L3MBTL4: variants seen among roughly 807,000 people sequenced by gnomAD.
The protein encoded by L3MBTL4 is L3MBTL histone methyl-lysine binding protein 4.
Under a neutral mutation model 84.5 loss-of-function variants are expected in L3MBTL4, and 70 were observed. That is an observed-to-expected ratio of 0.83 (90% CI 0.68 to 1.01). L3MBTL4 has a LOEUF of 1.01. L3MBTL4 is among the 50% of genes least tolerant of loss of function. L3MBTL4 has a pLI of 0.00. For synonymous variants in L3MBTL4, 274 were observed against 259.8 expected (o/e 1.05, Z -0.52); for missense variants, 715 against 754.8 (o/e 0.95, Z 0.62).
chr18:6,207,516 T>C (rs1297482225), intron 12 of L3MBTL4, among the ~76,000 whole-genome samples: 3 of 152,208 alleles, frequency 2.0e-5, no homozygotes, highest in Non-Finnish European at 4.4e-5. Flanking sequence ...TCACTGCTCT[T>C]CTTCATTTTA....
chr18:6,155,788 T>A (rs1433075976), intron 13 of L3MBTL4, among the ~76,000 whole-genome samples: 1 of 152,208 alleles, frequency 6.6e-6, no homozygotes, highest in Non-Finnish European at 1.5e-5. Flanking sequence ...AACTTCTTGA[T>A]TCTTGGTTGC....
Position 6,333,675 on chromosome 18 carries a change from C to G in L3MBTL4, c.-90-21619G>C, listed in dbSNP as rs2052168838. On this transcript the variant is annotated intron_variant, in intron 1 of 18. Coordinates refer to ENST00000317931, the MANE Select transcript of L3MBTL4 (RefSeq NM_001330559.2). ...GATGTACACGTATGTGTTTACATAA[C>G]TGGGAGCATAGCTCCAGCCGTAAGA... Among the ~76,000 whole-genome samples the G allele has an allele frequency of 2.0e-5, 3 of 151,778 alleles. No individual in the cohort carries two copies. In the South Asian group the frequency reaches 6.2e-4, roughly 32 times the overall value.
chr18:6,093,237 C>T (rs1673251083), intron 15 of L3MBTL4, 118 bp downstream of exon 15: 2 of 815,850 alleles, frequency 2.5e-6, no homozygotes, highest in African/African-American at 1.8e-5. Context: ...TAATAATATC[C>T]AGAAATAAAA....
At chr18:6,197,800 G>C (rs1435744778) in intron 12 of L3MBTL4, among the ~76,000 whole-genome samples, 5 of 152,194 alleles carry the variant, frequency 3.3e-5, no homozygotes, top group Non-Finnish European at 7.3e-5. Flanking sequence ...GTTCCTGCCA[G>C]ACCCAGATTT....
intron 18 of L3MBTL4, among the ~76,000 whole-genome samples, chr18:5,958,041 G>GGAGA (rs2095238188): frequency 7.4e-6 from 1 of 135,906 alleles, no homozygotes; most frequent in Non-Finnish European, 1.5e-5. Context: ...GGAGGAGGAG[G>GGAGA]AGGAGAAGGA....
chr18:6,320,332 G>A (rs2051338741), intron 1 of L3MBTL4, among the ~76,000 whole-genome samples: 1 of 151,952 alleles, frequency 6.6e-6, no homozygotes, highest in Non-Finnish European at 1.5e-5. Flanking sequence ...ATCCACATTG[G>A]AAGAGACCAA....
chr18:6,120,451 G>C (rs1015324041), intron 14 of L3MBTL4, among the ~76,000 whole-genome samples: 1 of 152,146 alleles, frequency 6.6e-6, no homozygotes, highest in Non-Finnish European at 1.5e-5. Flanking sequence ...ACGTTAGGAA[G>C]GCTACTCTGA....
intron 9 of L3MBTL4, among the ~76,000 whole-genome samples, chr18:6,239,308 T>A (rs1437939187): frequency 7.8e-6 from 1 of 128,218 alleles, no homozygotes; most frequent in Non-Finnish European, 1.5e-5. Context: ...GCCACTGCAC[T>A]CCAGCCTGGG....
chr18:6,317,645 GGAGAA>G (rs1197670962), intron 1 of L3MBTL4, among the ~76,000 whole-genome samples: 2 of 152,136 alleles, frequency 1.3e-5, no homozygotes, highest in East Asian at 3.8e-4. Context: ...TGTTCCTGAG[GGAGAA>G]GAGAAAACAA....
chr18:6,217,193 A>G (rs1159671827), intron 10 of L3MBTL4, among the ~76,000 whole-genome samples: 2 of 152,188 alleles, frequency 1.3e-5, no homozygotes, highest in African/African-American at 4.8e-5. Flanking sequence ...TTTTTCAAAA[A>G]ACTAGCATAC....
intron 1 of L3MBTL4, among the ~76,000 whole-genome samples, chr18:6,389,275 T>G (rs967540803): frequency 2.0e-5 from 3 of 152,094 alleles, no homozygotes; most frequent in African/African-American, 7.2e-5. Flanking sequence ...AGAATAGTCC[T>G]ACAAGAAATG....
chr18:5,969,754 T>C (rs2052545835), intron 16 of L3MBTL4, among the ~76,000 whole-genome samples, 192 bp from the exon 17 acceptor site: 1 of 152,184 alleles, frequency 6.6e-6, no homozygotes, highest in Admixed American at 6.5e-5. Flanking sequence ...GCAGTGGTCA[T>C]AGACAGATGT....
At chr18:5,993,087 A>G (rs891218890) in intron 16 of L3MBTL4, among the ~76,000 whole-genome samples, 2 of 152,184 alleles carry the variant, frequency 1.3e-5, no homozygotes, top group Admixed American at 1.3e-4. Context: ...TGAAAGTTCC[A>G]AGAAAGGTGG....
chr18:6,383,186 G>T (rs1051516459), intron 1 of L3MBTL4, among the ~76,000 whole-genome samples: 14 of 152,028 alleles, frequency 9.2e-5, no homozygotes, highest in African/African-American at 3.4e-4. Context: ...GTCTCAGGTC[G>T]ACCTCAGACT....
At chr18:6,345,215 C>CAAAAAAAAAAAAAAAAAAA (rs35502624) in intron 1 of L3MBTL4, among the ~76,000 whole-genome samples, 6 of 38,482 alleles carry the variant, frequency 1.6e-4, no homozygotes, top group East Asian at 7.1e-4. Flanking sequence ...TACTAAAATA[C>CAAAAAAAAAAAAAAAAAAA]AAAAAAAAAA....
chr18:6,071,327 G>A (rs1435411234), intron 16 of L3MBTL4, among the ~76,000 whole-genome samples: 1 of 151,390 alleles, frequency 6.6e-6, no homozygotes, highest in Non-Finnish European at 1.5e-5. Flanking sequence ...GGAGGTGGAG[G>A]TTGCAGGAAG....
In L3MBTL4 at chr18:6,361,108, G is replaced by A. The variant is rs998309501; in HGVS notation, c.-90-49052C>T. Among the ~76,000 whole-genome samples the A allele has an allele frequency of 2.0e-5, 3 of 151,862 alleles. No individual in the cohort carries two copies. In the South Asian group the frequency reaches 6.2e-4, roughly 32 times the overall value. ...ACCAGTAGTCACAGAAACAGCAGCAGCAGCAATAGTAACAGGCCTTATTGA... is the reference window on the plus strand; with the variant it reads ...ACCAGTAGTCACAGAAACAGCAGCAACAGCAATAGTAACAGGCCTTATTGA... On this transcript the variant is annotated intron_variant, in intron 1 of 18. Transcript: ENST00000317931.
intron 14 of L3MBTL4, among the ~76,000 whole-genome samples, chr18:6,113,151 A>T (rs11876188): frequency 0.28 from 42,985 of 152,046 alleles, 6,860 homozygotes; most frequent in East Asian, 0.57. Flanking sequence ...AGGGATGATA[A>T]CATTATAAGA....
chr18:6,354,484 G>A (rs1599752882), intron 1 of L3MBTL4, among the ~76,000 whole-genome samples: 1 of 152,224 alleles, frequency 6.6e-6, no homozygotes, highest in East Asian at 1.9e-4. Context: ...ACAACAAAGT[G>A]AAGAGACAAC....
Sources: gnomAD v4.1 joint callset for allele counts (sites outside exome capture counted in the v4.1 genomes callset) on GRCh38, gnomAD v4.1.1 for gene constraint, MANE v1.5 for transcripts, NCBI Gene and HGNC (gene_info 2026-07-23, HGNC 2026-07-21) for gene names.